Variants in ARMH4 observed in about 807,000 individuals in gnomAD.
ARMH4 encodes the protein armadillo like helical domain containing 4.
Under a neutral mutation model 61.9 loss-of-function variants are expected in ARMH4, and 49 were observed. The ratio of observed to expected loss-of-function variants is 0.79; its 90% CI spans 0.63 to 1.00. The LOEUF (loss-of-function observed/expected upper bound fraction) is 1.00. Ranked by LOEUF, ARMH4 falls within the 50% of genes least tolerant of loss-of-function variation. ARMH4 has a pLI of 0.00. For missense variants in ARMH4, 934 were observed against 930.0 expected (o/e 1.00, Z -0.06); for synonymous variants, 368 against 341.5 (o/e 1.08, Z -0.85).
intron 5 of ARMH4, among the ~76,000 whole-genome samples, chr14:58,064,396 G>A (rs1341648409): frequency 6.6e-6 from 1 of 152,098 alleles, no homozygotes. Flanking sequence ...CAATATTGGA[G>A]GCAAAAAATG....
chr14:58,031,992 T>C (rs1341538171), intron 5 of ARMH4, among the ~76,000 whole-genome samples: 1 of 152,188 alleles, frequency 6.6e-6, no homozygotes, highest in Non-Finnish European at 1.5e-5. Flanking sequence ...TCTAAGGCCC[T>C]ATATGATTTC....
At chr14:58,085,347 T>C (rs1594747882) in intron 5 of ARMH4, among the ~76,000 whole-genome samples, 2 of 151,474 alleles carry the variant, frequency 1.3e-5, no homozygotes. Context: ...CCAGTTTTCC[T>C]AGTGTTTCTT....
Position 58,133,401 on chromosome 14 carries a change from A to G in ARMH4, c.1370-60T>C, listed in dbSNP as rs866803378. 86 of 1,496,970 alleles carry G rather than the reference A, an allele frequency of 5.7e-5. No homozygotes were observed. In the Middle Eastern group the frequency reaches 3.4e-3, roughly 59 times the overall value. 92.7% of individuals were successfully genotyped at this position (1,496,970 alleles called of 1,614,324 possible). A position where few individuals can be genotyped will look rare whatever the true frequency, so the allele number is the denominator to read the frequency against. ...ATCCCTATTTTTTTAAAAAAAAAAA[A>G]TCATGATATGATTAAAAACTTGGGG... On this transcript the variant is annotated intron_variant, in intron 2 of 7. Transcript: ENST00000267485.
intron 5 of ARMH4, among the ~76,000 whole-genome samples, chr14:58,042,561 C>T (rs1363462262): frequency 1.3e-5 from 2 of 151,978 alleles, no homozygotes; most frequent in Admixed American, 6.6e-5. Flanking sequence ...AGAGCAAACA[C>T]ATTCAAAAGC....
intron 7 of ARMH4, 91 bp from the exon 8 acceptor site, chr14:58,004,895 G>A (rs935252455): frequency 3.3e-5 from 51 of 1,525,602 alleles, no homozygotes; most frequent in Non-Finnish European, 3.9e-5. Flanking sequence ...GCTAACAAAC[G>A]AAGCCAAGGC....
chr14:58,063,485 A>T (rs1884596185), intron 5 of ARMH4, among the ~76,000 whole-genome samples: 1 of 152,190 alleles, frequency 6.6e-6, no homozygotes, highest in South Asian at 2.1e-4. Context: ...GGGAAAGAAG[A>T]TTCATGTGTT....
At position 58,024,073 on chromosome 14, in the gene ARMH4, T is replaced by C. The variant is rs182147184; in HGVS notation, c.2090-11923A>G. Among the ~76,000 whole-genome samples the C allele has an allele frequency of 2.3e-3, 343 of 152,314 alleles. 1 individual carries two copies. Among genetic ancestry groups the C allele is most frequent in the African/African-American group, 7.7e-3 (321 of 41,580 alleles). ...GGATTTTAGGAATAGCCAGTGAGCATTGACTTCAACTTAAAGTCACCAGTG... is the reference window on the plus strand; with the variant it reads ...GGATTTTAGGAATAGCCAGTGAGCACTGACTTCAACTTAAAGTCACCAGTG... On this transcript the variant is annotated intron_variant, in intron 5 of 7. Transcript: ENST00000267485.
chr14:58,004,585 C>T lies in ARMH4; in HGVS notation c.*151G>A. On this transcript the variant is annotated 3_prime_UTR_variant, in exon 8 of 8. Coordinates refer to ENST00000267485, the MANE Select transcript of ARMH4 (RefSeq NM_001001872.4). ...TACAACATGCCATTTCTGCTCAGTACAAGAAAAATCTACTACCCAGCACCC... is the reference window on the plus strand; with the variant it reads ...TACAACATGCCATTTCTGCTCAGTATAAGAAAAATCTACTACCCAGCACCC... 1 of 649,516 alleles carries T rather than the reference C, an allele frequency of 1.5e-6. No individual in the cohort carries two copies. The highest frequency in any genetic ancestry group is 2.8e-6 in the Non-Finnish European group (1 of 362,538). The allele number at this position is 649,516 out of a possible 1,614,324, so 40.2% of individuals were successfully genotyped here. A position where few individuals can be genotyped will look rare whatever the true frequency, so the allele number is the denominator to read the frequency against.
chr14:58,133,056 C>T, intron 3 of ARMH4, 34 bp downstream of exon 3: 1 of 1,610,654 alleles, frequency 6.2e-7, no homozygotes, highest in Non-Finnish European at 8.5e-7. Flanking sequence ...GAGATCCACC[C>T]CCAAAACAGA....
intron 5 of ARMH4, among the ~76,000 whole-genome samples, chr14:58,081,487 A>C (rs2141243076): frequency 6.6e-6 from 1 of 152,062 alleles, no homozygotes; most frequent in East Asian, 1.9e-4. Flanking sequence ...AAACACTCTC[A>C]AATTTTAAGT....
At chr14:58,074,454 CT>C (rs777905376) in intron 5 of ARMH4, among the ~76,000 whole-genome samples, 8,428 of 138,932 alleles carry the variant, frequency 0.061, 251 homozygotes, top group African/African-American at 0.11. Context: ...CAACACAGTT[CT>C]TTTTTTTTTT....
At position 58,094,135 on chromosome 14, in the gene ARMH4, G is replaced by A. The variant is rs142279455; in HGVS notation, c.2089+2589C>T. 7.5e-3 allele frequency among the ~76,000 whole-genome samples: 1,145 copies of A among 152,054 alleles called. 17 individuals are homozygous for A. The highest frequency in any genetic ancestry group is 0.026 in the African/African-American group (1,059 of 41,466). ...ACCTAAGGTCAGGAGTTTGAGACCAGCCTAGCCAATATGGTGAAACCCTGT... is the reference window on the plus strand; with the variant it reads ...ACCTAAGGTCAGGAGTTTGAGACCAACCTAGCCAATATGGTGAAACCCTGT... On this transcript the variant is annotated intron_variant, in intron 5 of 7. Coordinates refer to ENST00000267485, the MANE Select transcript of ARMH4 (RefSeq NM_001001872.4).
intron 4 of ARMH4, among the ~76,000 whole-genome samples, chr14:58,124,667 T>C (rs565173747): frequency 5.6e-4 from 86 of 152,306 alleles, no homozygotes; most frequent in African/African-American, 2.0e-3. Context: ...AGAACATAAC[T>C]GTCAACAAGT....
At chr14:58,063,803 G>A (rs1884613110) in intron 5 of ARMH4, among the ~76,000 whole-genome samples, 1 of 152,150 alleles carries the variant, frequency 6.6e-6, no homozygotes, top group Non-Finnish European at 1.5e-5. Flanking sequence ...CACACAGACT[G>A]ACAGAGGCAA....
At chr14:58,077,306 A>G (rs570534292) in intron 5 of ARMH4, among the ~76,000 whole-genome samples, 7 of 152,332 alleles carry the variant, frequency 4.6e-5, no homozygotes, top group African/African-American at 1.4e-4. Flanking sequence ...TGAAAAAATT[A>G]GGTAGAATAA....
intron 5 of ARMH4, among the ~76,000 whole-genome samples, chr14:58,049,234 G>T (rs1274841484): frequency 7.1e-6 from 1 of 140,018 alleles, no homozygotes. Flanking sequence ...GCAAGACTCC[G>T]TCCCAAAAAA....
At chr14:58,088,393 C>A (rs778018416) in intron 5 of ARMH4, among the ~76,000 whole-genome samples, 5 of 151,954 alleles carry the variant, frequency 3.3e-5, no homozygotes, top group Non-Finnish European at 4.4e-5. Flanking sequence ...CATGTTCATC[C>A]TCACAAGGCA....
At chr14:58,109,370 TTTTG>T (rs1203477933) in intron 4 of ARMH4, among the ~76,000 whole-genome samples, 5 of 152,136 alleles carry the variant, frequency 3.3e-5, no homozygotes, top group Admixed American at 2.6e-4. Context: ...TCCCAGAACT[TTTTG>T]TTTGTTTTAA....
At chr14:58,076,867 C>A (rs929806092) in intron 5 of ARMH4, among the ~76,000 whole-genome samples, 12 of 152,146 alleles carry the variant, frequency 7.9e-5, no homozygotes, top group African/African-American at 2.7e-4. Flanking sequence ...ACCAGCCACC[C>A]TGCCAAGAAT....
Sources: gnomAD v4.1 joint callset for allele counts (sites outside exome capture counted in the v4.1 genomes callset) on GRCh38, gnomAD v4.1.1 for gene constraint, MANE v1.5 for transcripts, NCBI Gene and HGNC (gene_info 2026-07-23, HGNC 2026-07-21) for gene names.